The following RFX3 variants were observed in gnomAD, a reference collection of about 807,000 sequenced individuals.
RFX3 encodes the protein transcription factor RFX3.
RFX3 carries 14 observed loss-of-function variants against 98.6 expected under a neutral mutation model. The ratio of observed to expected loss-of-function variants is 0.14; its 90% CI spans 0.09 to 0.22. The LOEUF is 0.22. Among genes scored for constraint, RFX3 ranks in the 10% least tolerant of loss-of-function variants. The probability of loss-of-function intolerance (pLI) is 1.00; values close to 1 mark genes in which losing one functional copy is unlikely to be tolerated. For synonymous variants in RFX3, 383 were observed against 328.4 expected, an observed-to-expected ratio of 1.17 and a Z score of -1.80; for missense variants, 639 against 926.9, an observed-to-expected ratio of 0.69 and a Z score of 4.03.
At chr9:3,496,651 G>A (rs1021957934) in intron 1 of RFX3, among the ~76,000 whole-genome samples, 15 of 151,754 alleles carry the variant, frequency 9.9e-5, no homozygotes, top group Non-Finnish European at 2.1e-4. Flanking sequence ...TTATCTTTCA[G>A]GTAATATTCC....
intron 1 of RFX3, among the ~76,000 whole-genome samples, chr9:3,455,031 T>TCCACCCAA (rs1554714363): frequency 6.6e-6 from 1 of 152,130 alleles, no homozygotes; most frequent in Non-Finnish European, 1.5e-5. Context: ...TGCCCCCTCA[T>TCCACCCAA]CCACCCAACT....
At chr9:3,244,848 G>C (rs954251973) in intron 15 of RFX3, among the ~76,000 whole-genome samples, 1 of 152,150 alleles carries the variant, frequency 6.6e-6, no homozygotes, top group Admixed American at 6.5e-5. Flanking sequence ...TGAAATCTAA[G>C]CTCCTCGAAG....
chr9:3,336,811 C>A (rs73381864), intron 3 of RFX3, among the ~76,000 whole-genome samples: 6,142 of 152,134 alleles, frequency 0.04, 386 homozygotes, highest in African/African-American at 0.14. Context: ...AAAAAAGAGA[C>A]TAGACTAGAC....
intron 4 of RFX3, among the ~76,000 whole-genome samples, chr9:3,308,319 G>A (rs1420756259): frequency 6.6e-6 from 1 of 152,094 alleles, no homozygotes; most frequent in African/African-American, 2.4e-5. Context: ...TTGGTTCTCA[G>A]CCAAAGATGG....
At chr9:3,281,348 G>T (rs1404733383) in intron 7 of RFX3, among the ~76,000 whole-genome samples, 1 of 149,696 alleles carries the variant, frequency 6.7e-6, no homozygotes, top group Non-Finnish European at 1.5e-5. Context: ...AAACAGGTAA[G>T]ATTTCCATTG....
At position 3,281,351 on chromosome 9, in the gene RFX3, T is replaced by G. The variant is rs571174244; in HGVS notation, c.852-3890A>C. ...ATAAATTTTAAAAAACAGGTAAGAT[T>G]TCCATTGAAAAAAAAAAAGTCAAAC... is the stretch of plus-strand genomic sequence containing the variant. On this transcript the variant is annotated intron_variant, in intron 7 of 16. Coordinates refer to ENST00000617270, the MANE Select transcript of RFX3 (RefSeq NM_001282116.2). Among the ~76,000 whole-genome samples, 3 of 151,338 alleles carry G rather than the reference T, an allele frequency of 2.0e-5. No homozygotes were observed. The South Asian group carries it at 6.2e-4, about 31-fold the overall frequency.
chr9:3,510,243 C>T (rs1817538506), intron 1 of RFX3, among the ~76,000 whole-genome samples: 1 of 151,746 alleles, frequency 6.6e-6, no homozygotes. Flanking sequence ...ATACTCATCA[C>T]AGGGGATTTG....
chr9:3,351,472 TAACAAC>T (rs576636730), intron 2 of RFX3, among the ~76,000 whole-genome samples: 2 of 151,526 alleles, frequency 1.3e-5, no homozygotes, highest in African/African-American at 4.8e-5. Flanking sequence ...AGATTTGAAC[TAACAAC>T]AACAACAACA....
At chr9:3,523,653 A>AT (rs1299112976) in intron 1 of RFX3, among the ~76,000 whole-genome samples, 1 of 152,204 alleles carries the variant, frequency 6.6e-6, no homozygotes, top group Admixed American at 6.5e-5. Context: ...TGTAAATGGC[A>AT]TAAGGTCTGA....
At chr9:3,296,507 T>C (rs1828010464) in intron 5 of RFX3, among the ~76,000 whole-genome samples, 1 of 152,000 alleles carries the variant, frequency 6.6e-6, no homozygotes, top group African/African-American at 2.4e-5. Flanking sequence ...AAATTCTTCA[T>C]TTCTAAACTA....
chr9:3,361,469 T>C (rs907155996), intron 2 of RFX3, among the ~76,000 whole-genome samples: 4 of 151,396 alleles, frequency 2.6e-5, no homozygotes, highest in African/African-American at 9.7e-5. Context: ...GTTATGAAAA[T>C]AGAAATCATA....
chr9:3,499,788 C>T (rs1015419022), intron 1 of RFX3, among the ~76,000 whole-genome samples: 4 of 152,096 alleles, frequency 2.6e-5, no homozygotes, highest in African/African-American at 9.7e-5. Flanking sequence ...ATCATCTTAA[C>T]TATGAAAATC....
chr9:3,247,408 T>A, intron 15 of RFX3: 4 of 848,620 alleles, frequency 4.7e-6, no homozygotes, highest in Non-Finnish European at 5.7e-6. Context: ...TACCATTTTT[T>A]AGCTGAGTAA....
intron 1 of RFX3, among the ~76,000 whole-genome samples, chr9:3,504,930 TATA>T (rs1329626063): frequency 1.4e-5 from 1 of 69,496 alleles, no homozygotes; most frequent in Non-Finnish European, 2.3e-5. Context: ...ACATATATTA[TATA>T]TAATATATAT....
chr9:3,347,611 G>A (rs977883555), intron 2 of RFX3, among the ~76,000 whole-genome samples: 23 of 152,022 alleles, frequency 1.5e-4, no homozygotes, highest in Non-Finnish European at 2.9e-4. Context: ...ATCACCTGAG[G>A]TCAGGAGTTC....
At chr9:3,347,769 C>T (rs539048626) in intron 2 of RFX3, among the ~76,000 whole-genome samples, 59 of 151,804 alleles carry the variant, frequency 3.9e-4, no homozygotes, top group African/African-American at 1.4e-3. Context: ...GAGGTTGCAG[C>T]GAGCCGAGAC....
rs111583950 is a variant in RFX3, at chr9:3,227,466, A to G, written c.2011+1381T>C. Among the ~76,000 whole-genome samples, 445 of 152,320 alleles carry G rather than the reference A, an allele frequency of 2.9e-3. 2 individuals carry two copies. Among genetic ancestry groups the G allele is most frequent in the Middle Eastern group, 0.014 (4 of 294 alleles). On this transcript the variant is annotated intron_variant, in intron 16 of 16. Transcript: ENST00000617270. Reference sequence around the variant, plus strand: ...TATGCTTCTATAAAAACTCGAAGACACTTTCTAGAAATCTACTTCAGGTTA... The same window carrying G: ...TATGCTTCTATAAAAACTCGAAGACGCTTTCTAGAAATCTACTTCAGGTTA...
intron 1 of RFX3, among the ~76,000 whole-genome samples, chr9:3,409,036 G>C (rs190501808): frequency 2.0e-5 from 3 of 152,122 alleles, no homozygotes; most frequent in Non-Finnish European, 4.4e-5. Flanking sequence ...AGAATTCTCC[G>C]ATATTTAAGT....
chr9:3,372,310 C>A (rs1837953080), intron 2 of RFX3, among the ~76,000 whole-genome samples: 1 of 152,152 alleles, frequency 6.6e-6, no homozygotes, highest in African/African-American at 2.4e-5. Context: ...CCAGATTTCT[C>A]CATTGTGATA....
Sources: allele counts gnomAD v4.1 joint callset (sites outside exome capture counted in the v4.1 genomes callset), GRCh38; gene constraint gnomAD v4.1.1; transcripts MANE v1.5; gene names NCBI Gene and HGNC (gene_info 2026-07-23, HGNC 2026-07-21).